The following LRP1B variants were observed in gnomAD, a reference collection of about 807,000 sequenced individuals.
The protein encoded by LRP1B is LDL receptor related protein 1B, also known as low-density lipoprotein receptor-related protein 1B.
Under a neutral mutation model 556.6 loss-of-function variants are expected in LRP1B, and 217 were observed. The observed-to-expected ratio is 0.39, with a 90% confidence interval of 0.35 to 0.44. The LOEUF (loss-of-function observed/expected upper bound fraction) is 0.44, where lower values mean the gene tolerates loss of function less well. LRP1B is among the 20% of genes least tolerant of loss of function. The pLI, the probability that LRP1B is intolerant of heterozygous loss-of-function variation, is 1.00. For synonymous variants in LRP1B, 2,047 were observed against 1,865.8 expected, an observed-to-expected ratio of 1.10 and a Z score of -2.50; for missense variants, 5,053 against 5,620.8, an observed-to-expected ratio of 0.90 and a Z score of 3.23.
intron 3 of LRP1B, among the ~76,000 whole-genome samples, chr2:141,452,079 T>G (rs550666229): frequency 3.9e-4 from 59 of 152,304 alleles, no homozygotes; most frequent in African/African-American, 1.4e-3. Flanking sequence ...CTATCTACCT[T>G]ATTACCATAA....
chr2:141,148,674 G>T (rs943201102), intron 7 of LRP1B, among the ~76,000 whole-genome samples: 1 of 152,176 alleles, frequency 6.6e-6, no homozygotes, highest in African/African-American at 2.4e-5. Context: ...GTATCCCTGT[G>T]CATGAAATAC....
chr2:140,544,400 G>C (rs777612242), intron 43 of LRP1B, among the ~76,000 whole-genome samples: 32 of 152,028 alleles, frequency 2.1e-4, no homozygotes, highest in Non-Finnish European at 3.8e-4. Flanking sequence ...TCACTGTACA[G>C]ATTGTTTCAT....
intron 2 of LRP1B, among the ~76,000 whole-genome samples, chr2:141,652,994 C>T (rs1192145120): frequency 1.3e-5 from 2 of 152,064 alleles, no homozygotes; most frequent in African/African-American, 4.8e-5. Context: ...ATGAGTGTTG[C>T]TTCTATATTT....
intron 87 of LRP1B, among the ~76,000 whole-genome samples, chr2:140,242,201 A>AT: frequency 6.6e-6 from 1 of 151,238 alleles, no homozygotes; most frequent in East Asian, 2.0e-4. Flanking sequence ...TTACTCATCT[A>AT]TAATATGGGT....
At chr2:140,755,140 C>A (rs553963475) in intron 35 of LRP1B, among the ~76,000 whole-genome samples, 1 of 151,866 alleles carries the variant, frequency 6.6e-6, no homozygotes, top group African/African-American at 2.4e-5. Flanking sequence ...AACATATGAA[C>A]AGATCTATAA....
At chr2:141,691,434 GA>G (rs34974812) in intron 2 of LRP1B, among the ~76,000 whole-genome samples, 1,547 of 89,038 alleles carry the variant, frequency 0.017, 25 homozygotes, top group African/African-American at 0.066. Flanking sequence ...AGAAGAAAAG[GA>G]AAAAAAAAAA....
intron 2 of LRP1B, among the ~76,000 whole-genome samples, chr2:141,605,377 A>AT (rs987013800): frequency 1.4e-5 from 2 of 146,230 alleles, no homozygotes; most frequent in African/African-American, 2.6e-5. Context: ...TTTTATTTTT[A>AT]TTTTATTTTT....
intron 7 of LRP1B, among the ~76,000 whole-genome samples, chr2:141,091,660 C>T (rs2104911622): frequency 6.6e-6 from 1 of 152,224 alleles, no homozygotes; most frequent in Admixed American, 6.5e-5. Flanking sequence ...CCCTGAGCTG[C>T]TGGGATAGGC....
At chr2:140,918,570 A>G (rs943783700) in intron 21 of LRP1B, among the ~76,000 whole-genome samples, 11 of 152,098 alleles carry the variant, frequency 7.2e-5, no homozygotes, top group African/African-American at 2.2e-4. Flanking sequence ...CAGCATGGGT[A>G]TTACTGGGCT....
At chr2:141,043,559 A>C (rs1698771685) in intron 11 of LRP1B, among the ~76,000 whole-genome samples, 1 of 151,944 alleles carries the variant, frequency 6.6e-6, no homozygotes. Flanking sequence ...TTAAAGCTGC[A>C]AGCATTAATA....
chr2:141,229,814 G>GT (rs1168785927), intron 5 of LRP1B, among the ~76,000 whole-genome samples: 1 of 152,102 alleles, frequency 6.6e-6, no homozygotes, highest in Non-Finnish European at 1.5e-5. Flanking sequence ...GCAAGGTAAT[G>GT]TTTTTTTGAG....
chr2:141,777,116 T>A (rs1482722061), intron 2 of LRP1B, among the ~76,000 whole-genome samples: 1 of 152,160 alleles, frequency 6.6e-6, no homozygotes, highest in Non-Finnish European at 1.5e-5. Flanking sequence ...AAAAAGACTT[T>A]GGAGTAGCAG....
At chr2:140,509,750 A>G (rs1359804512) in intron 52 of LRP1B, among the ~76,000 whole-genome samples, 178 bp downstream of exon 52, 1 of 152,232 alleles carries the variant, frequency 6.6e-6, no homozygotes, top group Non-Finnish European at 1.5e-5. Context: ...AACAGTAGTT[A>G]AAGAGGTTGC....
chr2:141,174,672 G>A (rs1406365004), intron 7 of LRP1B, among the ~76,000 whole-genome samples: 2 of 152,056 alleles, frequency 1.3e-5, no homozygotes, highest in Non-Finnish European at 2.9e-5. Flanking sequence ...GGCTTAGGTA[G>A]TTCCTCATAG....
intron 2 of LRP1B, among the ~76,000 whole-genome samples, chr2:141,592,146 C>A (rs1473251984): frequency 6.6e-6 from 1 of 152,158 alleles, no homozygotes; most frequent in African/African-American, 2.4e-5. Context: ...TCGTTGACTC[C>A]ATTTTTCCAT....
intron 47 of LRP1B, among the ~76,000 whole-genome samples, chr2:140,528,278 T>C (rs1487979169): frequency 6.6e-6 from 1 of 151,956 alleles, no homozygotes; most frequent in South Asian, 2.1e-4. Context: ...TGGAAGGACA[T>C]GTGGGACAAA....
rs369567356 is a variant in LRP1B, at chr2:141,827,010, T to C, written c.83-16609A>G. 1.8e-4 allele frequency among the ~76,000 whole-genome samples: 28 copies of C among 152,360 alleles called. No individual in the cohort carries two copies. The East Asian group carries it at 1.9e-3, about 11-fold the overall frequency. ...GACAGGCAAATTTTGAGAGATCCAA[T>C]TGATGAGAGATGCTAGGAAAAATTC... On this transcript the variant is annotated intron_variant, in intron 1 of 90. Transcript: ENST00000389484.
At chr2:141,966,575 A>C (rs977776431) in intron 1 of LRP1B, among the ~76,000 whole-genome samples, 3 of 151,658 alleles carry the variant, frequency 2.0e-5, no homozygotes, top group Admixed American at 1.3e-4. Flanking sequence ...TACTCAACAT[A>C]AGATTTTTTT....
At chr2:140,564,361 A>C (rs903643280) in intron 43 of LRP1B, among the ~76,000 whole-genome samples, 18 of 152,114 alleles carry the variant, frequency 1.2e-4, no homozygotes, top group African/African-American at 4.1e-4. Flanking sequence ...AAAAACTAAG[A>C]GATATCCTTG....
Sources: allele counts gnomAD v4.1 joint callset (sites outside exome capture counted in the v4.1 genomes callset), GRCh38; gene constraint gnomAD v4.1.1; transcripts MANE v1.5; gene names NCBI Gene and HGNC (gene_info 2026-07-23, HGNC 2026-07-21).